Variants in PBX1 observed in about 807,000 individuals in gnomAD.
PBX1 encodes PBX homeobox 1, also known as pre-B-cell leukemia transcription factor 1.
PBX1 carries 6 observed loss-of-function variants against 53.4 expected under a neutral mutation model. The observed-to-expected ratio is 0.11, with a 90% CI of 0.06 to 0.22. The LOEUF is 0.22. Among genes scored for constraint, PBX1 ranks in the 10% least tolerant of loss-of-function variants. PBX1 has a pLI of 1.00. For synonymous variants in PBX1, 204 were observed against 212.3 expected, an observed-to-expected ratio of 0.96 and a Z score of 0.34; for missense variants, 251 against 551.4, an observed-to-expected ratio of 0.46 and a Z score of 5.46.
chr1:164,785,341 G>T, intron 2 of PBX1, among the ~76,000 whole-genome samples: 1 of 152,166 alleles, frequency 6.6e-6, no homozygotes, highest in East Asian at 1.9e-4. Flanking sequence ...TGAAGAACAC[G>T]AGGACCTGCT....
chr1:164,701,190 G>A (rs1183658796), intron 2 of PBX1, among the ~76,000 whole-genome samples: 1 of 152,176 alleles, frequency 6.6e-6, no homozygotes, highest in Non-Finnish European at 1.5e-5. Flanking sequence ...GTAGAAAGCA[G>A]AGTTCAGGGG....
chr1:164,709,157 T>G (rs1160114187), intron 2 of PBX1, among the ~76,000 whole-genome samples: 1 of 152,176 alleles, frequency 6.6e-6, no homozygotes, highest in Non-Finnish European at 1.5e-5. Context: ...CTAACTTTGT[T>G]GGTCACTTTT....
intron 8 of PBX1, among the ~76,000 whole-genome samples, chr1:164,837,534 A>T (rs1200021492): frequency 6.6e-6 from 1 of 152,132 alleles, no homozygotes; most frequent in African/African-American, 2.4e-5. Context: ...GAAATTATGC[A>T]TGTTGTCGAA....
intron 2 of PBX1, among the ~76,000 whole-genome samples, chr1:164,609,506 T>C (rs1656770909): frequency 6.6e-6 from 1 of 152,160 alleles, no homozygotes; most frequent in South Asian, 2.1e-4. Context: ...CTTCTTTCCC[T>C]TTTCTTTTAA....
chr1:164,829,698 A>C (rs1218065656), intron 8 of PBX1: 1 of 152,068 alleles, frequency 6.6e-6, no homozygotes. Context: ...TGATGGGTGG[A>C]GCAAACCACC....
chr1:164,602,628 C>A (rs1351961171), intron 2 of PBX1, among the ~76,000 whole-genome samples: 1 of 151,642 alleles, frequency 6.6e-6, no homozygotes, highest in Non-Finnish European at 1.5e-5. Flanking sequence ...TTCTGTCAAC[C>A]TCCCCACAGC....
At chr1:164,589,223 A>AG (rs920346512) in intron 2 of PBX1, among the ~76,000 whole-genome samples, 8 of 151,860 alleles carry the variant, frequency 5.3e-5, no homozygotes, top group Admixed American at 5.2e-4. Context: ...TGGAAGGAGG[A>AG]GGGGGGCGCG....
chr1:164,618,301 G>T lies in PBX1; in HGVS notation c.265+54990G>T, dbSNP rs866600470. ...CCCCAGGGAGAATAATCACGGCGGG[G>T]GGGGGGGGGCACTCAAGATGATCAG... On this transcript the variant is annotated intron_variant, in intron 2 of 8. Transcript: ENST00000420696. Among the ~76,000 whole-genome samples, 285 of 142,282 alleles carry T rather than the reference G, an allele frequency of 2.0e-3. 6 individuals carry two copies. The highest frequency in any genetic ancestry group is 6.6e-3 in the African/African-American group (249 of 37,512). 93.3% of individuals were successfully genotyped at this position (142,282 alleles called of 152,430 possible). A position where few individuals can be genotyped will look rare whatever the true frequency, so the allele number is the denominator to read the frequency against.
At chr1:164,579,203 A>G (rs1191676732) in intron 2 of PBX1, among the ~76,000 whole-genome samples, 1 of 152,206 alleles carries the variant, frequency 6.6e-6, no homozygotes. Flanking sequence ...GCTGGAATTA[A>G]TTTTTATCAT....
chr1:164,581,300 T>C (rs1041611237), intron 2 of PBX1, among the ~76,000 whole-genome samples: 10 of 151,246 alleles, frequency 6.6e-5, no homozygotes, highest in Non-Finnish European at 1.3e-4. Flanking sequence ...CAATCTCGGC[T>C]CACTGCAACC....
intron 2 of PBX1, among the ~76,000 whole-genome samples, chr1:164,579,987 G>A (rs139206496): frequency 2.1e-4 from 32 of 152,212 alleles, no homozygotes; most frequent in South Asian, 1.9e-3. Context: ...GATTTTACTT[G>A]GTAAGTTTTA....
At chr1:164,857,313 CAGAG>C (rs577370724) in intron 2 of PBX1, among the ~76,000 whole-genome samples, 18 of 152,258 alleles carry the variant, frequency 1.2e-4, no homozygotes, top group Admixed American at 3.9e-4. Context: ...AACAGCCAAA[CAGAG>C]AGGCACATAG....
At chr1:164,753,873 G>A (rs1666354225) in intron 2 of PBX1, among the ~76,000 whole-genome samples, 2 of 152,208 alleles carry the variant, frequency 1.3e-5, no homozygotes, top group African/African-American at 4.8e-5. Context: ...AAACGGGAAT[G>A]ATGCAGTTGA....
At chr1:164,879,222 A>G (rs1309270225) in intron 2 of PBX1, among the ~76,000 whole-genome samples, 2 of 127,750 alleles carry the variant, frequency 1.6e-5, no homozygotes, top group Non-Finnish European at 3.7e-5. Context: ...GTTCAGGTGA[A>G]CAAACATTTA....
At chr1:164,602,617 A>G (rs542137595) in intron 2 of PBX1, among the ~76,000 whole-genome samples, 1 of 151,368 alleles carries the variant, frequency 6.6e-6, no homozygotes, top group East Asian at 2.0e-4. Flanking sequence ...CTGCACCCCA[A>G]TTCTGTCAAC....
At chr1:164,771,459 C>T (rs897849313) in intron 2 of PBX1, 1 of 152,000 alleles carries the variant, frequency 6.6e-6, no homozygotes, top group East Asian at 1.9e-4. Flanking sequence ...CCTTGCCGCT[C>T]TGTCTGTTGT....
chr1:164,810,278 T>A (rs903801646), intron 5 of PBX1, among the ~76,000 whole-genome samples: 1 of 152,218 alleles, frequency 6.6e-6, no homozygotes, highest in Non-Finnish European at 1.5e-5. Context: ...GCCTAACGCG[T>A]ATTAGGCCCT....
At chr1:164,870,218 T>TTTCTTTCCTTCCTTCC (rs1672320289) in intron 2 of PBX1, among the ~76,000 whole-genome samples, 1 of 55,126 alleles carries the variant, frequency 1.8e-5, no homozygotes, top group African/African-American at 5.8e-5. Flanking sequence ...CTTTTCTTTC[T>TTTCTTTCCTTCCTTCC]TTCCTTCCTT....
intron 5 of PBX1, among the ~76,000 whole-genome samples, chr1:164,808,509 G>A (rs1383290629): frequency 6.6e-6 from 1 of 152,196 alleles, no homozygotes; most frequent in African/African-American, 2.4e-5. Flanking sequence ...ACATGCAGGA[G>A]AATTAAATGT....
Sources: allele counts gnomAD v4.1 joint callset (sites outside exome capture counted in the v4.1 genomes callset), GRCh38; gene constraint gnomAD v4.1.1; transcripts MANE v1.5; gene names NCBI Gene and HGNC (gene_info 2026-07-23, HGNC 2026-07-21).